EEFSEC: variants seen among roughly 807,000 people sequenced by gnomAD.
The protein encoded by EEFSEC is selenocysteine-specific elongation factor.
In EEFSEC, 43 loss-of-function variants were observed where a neutral mutation model predicts 42.1. The ratio of observed to expected loss-of-function variants is 1.02; its 90% CI spans 0.80 to 1.32. EEFSEC has a LOEUF of 1.32. Ranked by LOEUF, EEFSEC falls within the 40% of genes most tolerant of loss-of-function variation. EEFSEC has a pLI of 0.00. For synonymous variants in EEFSEC, 354 were observed against 339.1 expected (o/e 1.04, Z -0.48); for missense variants, 745 against 803.6 (o/e 0.93, Z 0.88).
At chr3:128,198,510 A>C (rs2065610082) in intron 1 of EEFSEC, among the ~76,000 whole-genome samples, 2 of 152,222 alleles carry the variant, frequency 1.3e-5, no homozygotes, top group African/African-American at 4.8e-5. Context: ...CCGGCAGCAC[A>C]TGTGGTTCTC....
intron 4 of EEFSEC, among the ~76,000 whole-genome samples, chr3:128,303,713 A>G (rs909659861): frequency 2.0e-5 from 3 of 152,074 alleles, no homozygotes; most frequent in Non-Finnish European, 4.4e-5. Context: ...ACTTACAGAG[A>G]CTAATTTGTC....
chr3:128,163,752 G>C (rs551813580), intron 1 of EEFSEC, among the ~76,000 whole-genome samples: 1 of 151,916 alleles, frequency 6.6e-6, no homozygotes, highest in Non-Finnish European at 1.5e-5. Flanking sequence ...TAATGTCTCT[G>C]GATTGACCGG....
chr3:128,275,103 C>T (rs935271229), intron 4 of EEFSEC, among the ~76,000 whole-genome samples: 5 of 152,176 alleles, frequency 3.3e-5, no homozygotes, highest in Admixed American at 2.0e-4. Flanking sequence ...GAATAGGATG[C>T]GCATGTCATC....
chr3:128,164,211 C>T (rs1024162313), intron 1 of EEFSEC, among the ~76,000 whole-genome samples: 1 of 152,188 alleles, frequency 6.6e-6, no homozygotes, highest in African/African-American at 2.4e-5. Context: ...TACACATACA[C>T]GTTGCATGGC....
chr3:128,235,736 C>T (rs1244940688), intron 1 of EEFSEC, among the ~76,000 whole-genome samples: 1 of 152,238 alleles, frequency 6.6e-6, no homozygotes, highest in African/African-American at 2.4e-5. Flanking sequence ...AACTACTTCC[C>T]TTCCAACAGG....
rs1027778563 is a variant in EEFSEC at position 128,307,956 on chromosome 3, C to T, written c.787-33277C>T. Among the ~76,000 whole-genome samples the T allele has an allele frequency of 2.0e-5, 3 of 152,334 alleles. No homozygotes were observed. The East Asian group carries it at 5.8e-4, about 29-fold the overall frequency. On this transcript the variant is annotated intron_variant, in intron 4 of 6. Coordinates refer to ENST00000254730, the MANE Select transcript of EEFSEC (RefSeq NM_021937.5). ...GCGAGAGCACATGCTTGTTGGAGCTCTGTGAGGCCCAGGCAGTGCCTGGTT... is the reference window on the plus strand; with the variant it reads ...GCGAGAGCACATGCTTGTTGGAGCTTTGTGAGGCCCAGGCAGTGCCTGGTT...
intron 1 of EEFSEC, among the ~76,000 whole-genome samples, chr3:128,240,129 C>A (rs1553745773): frequency 6.6e-6 from 1 of 152,226 alleles, no homozygotes; most frequent in African/African-American, 2.4e-5. Context: ...TGACCGCCCT[C>A]CTTCTCTCCT....
At chr3:128,195,822 A>G (rs2065578789) in intron 1 of EEFSEC, among the ~76,000 whole-genome samples, 1 of 152,202 alleles carries the variant, frequency 6.6e-6, no homozygotes, top group African/African-American at 2.4e-5. Context: ...TGTCTAGATT[A>G]GTGATTAGAG....
At chr3:128,320,235 C>T (rs896053513) in intron 4 of EEFSEC, among the ~76,000 whole-genome samples, 10 of 152,322 alleles carry the variant, frequency 6.6e-5, no homozygotes, top group African/African-American at 2.2e-4. Flanking sequence ...TGGGGCAGAG[C>T]GCCACTCCTC....
Position 128,407,649 on chromosome 3 carries a change from T to C in EEFSEC, c.1601-420T>C, listed in dbSNP as rs144551654. Among the ~76,000 whole-genome samples, 15 of 152,256 alleles carry C rather than the reference T, an allele frequency of 9.9e-5. No homozygotes were observed. The East Asian group carries it at 2.9e-3, about 29-fold the overall frequency. ...TTGGGGCTTCCACTGCTAAACCTGG[T>C]CGTGCTGTCTGCAGGGGTCAGCCTC... On this transcript the variant is annotated intron_variant, in intron 6 of 6. Coordinates refer to ENST00000254730, the MANE Select transcript of EEFSEC (RefSeq NM_021937.5).
In EEFSEC at chr3:128,180,462, C is replaced by G. The variant is rs373289275; in HGVS notation, c.316+26639C>G. On this transcript the variant is annotated intron_variant, in intron 1 of 6. Transcript: ENST00000254730. Reference sequence around the variant, plus strand: ...AGGTGTATTTTTATTGTGTGGCACTCAGCCACACAAGTGGCTGTGCAGTCT... The same window carrying G: ...AGGTGTATTTTTATTGTGTGGCACTGAGCCACACAAGTGGCTGTGCAGTCT... 9.2e-5 allele frequency among the ~76,000 whole-genome samples: 14 copies of G among 152,354 alleles called. No homozygotes were observed. In the East Asian group the frequency reaches 1.7e-3, roughly 19 times the overall value.
chr3:128,333,535 C>A (rs1175171611), intron 4 of EEFSEC, among the ~76,000 whole-genome samples: 2 of 152,214 alleles, frequency 1.3e-5, no homozygotes, highest in African/African-American at 4.8e-5. Flanking sequence ...GCTTCAATTT[C>A]CTTGTCTGTA....
intron 1 of EEFSEC, among the ~76,000 whole-genome samples, chr3:128,234,049 A>G (rs1317937493): frequency 6.7e-6 from 1 of 150,056 alleles, no homozygotes; most frequent in African/African-American, 2.5e-5. Context: ...TTATTTATTT[A>G]TTTATTTAAT....
intron 4 of EEFSEC, among the ~76,000 whole-genome samples, chr3:128,333,183 A>C (rs926199403): frequency 1.3e-5 from 2 of 152,206 alleles, no homozygotes; most frequent in Non-Finnish European, 2.9e-5. Context: ...ATAGAGGTCC[A>C]ATCTTATTAT....
At chr3:128,426,128 G>T in the EEFSEC span, among the ~76,000 whole-genome samples, 1 of 152,182 alleles carries the variant, frequency 6.6e-6, no homozygotes, top group South Asian at 2.1e-4. Flanking sequence ...GTTCAGAGAG[G>T]TTGTCACCTG....
intron 4 of EEFSEC, among the ~76,000 whole-genome samples, chr3:128,340,113 C>T (rs1377143303): frequency 6.6e-6 from 1 of 152,154 alleles, no homozygotes; most frequent in Non-Finnish European, 1.5e-5. Flanking sequence ...TTGCTGTAGC[C>T]CTCCTGCCTC....
chr3:128,317,398 G>A lies in EEFSEC; in HGVS notation c.787-23835G>A, dbSNP rs567219522. 2.6e-5 allele frequency among the ~76,000 whole-genome samples: 4 copies of A among 152,350 alleles called. No individual in the cohort carries two copies. Among genetic ancestry groups the A allele is most frequent in the African/African-American group, 4.8e-5 (2 of 41,588 alleles). On this transcript the variant is annotated intron_variant, in intron 4 of 6. Transcript: ENST00000254730. This position sits in a 1 kb window ranked among gnomAD's most constrained non-coding sequence, Gnocchi z 4.1. ...CACTCTGGCCTTTCCTACCCTCAGCGTGTGCTTGGTGCTGCTGCATGCCAG... is the reference window on the plus strand; with the variant it reads ...CACTCTGGCCTTTCCTACCCTCAGCATGTGCTTGGTGCTGCTGCATGCCAG...
intron 1 of EEFSEC, among the ~76,000 whole-genome samples, chr3:128,235,916 T>C (rs2066004444): frequency 6.6e-6 from 1 of 152,124 alleles, no homozygotes; most frequent in Admixed American, 6.5e-5. Context: ...CAGGACTATC[T>C]GTCTCCCCTG....
In EEFSEC at chr3:128,341,841, C is replaced by T. The variant is rs2067258875; in HGVS notation, c.1395C>T (p.Pro465=). The T allele has an allele frequency of 1.1e-5, 17 of 1,613,822 alleles. No homozygotes were observed. The highest frequency in any genetic ancestry group is 1.4e-5 in the Non-Finnish European group (16 of 1,180,052). ...EDRNYADSFL[P]RLKVYKLKHK... is the part of the protein sequence containing the mutation. ...GGAACTACGCCGACAGCTTCCTGCC[C>T]AGGCTGAAGGTGTACAAGCTGAAGC... Residue 465 remains proline, a synonymous_variant, in exon 5 of 7, where the codon CCC becomes CCT. Coordinates refer to ENST00000254730, the MANE Select transcript of EEFSEC (RefSeq NM_021937.5).
Sources: allele counts gnomAD v4.1 joint callset (sites outside exome capture counted in the v4.1 genomes callset), GRCh38; gene constraint gnomAD v4.1.1; non-coding constraint Gnocchi (gnomAD v3.1); transcripts MANE v1.5; gene names NCBI Gene and HGNC (gene_info 2026-07-23, HGNC 2026-07-21).